The following SP3 variants were observed in gnomAD, a reference collection of about 807,000 sequenced individuals.
SP3 encodes transcription factor Sp3.
Under a neutral mutation model 70.3 loss-of-function variants are expected in SP3, and 10 were observed. That is an observed-to-expected ratio of 0.14 (90% confidence interval 0.09 to 0.24). SP3 has a LOEUF of 0.24. Among genes scored for constraint, SP3 ranks in the 10% least tolerant of loss-of-function variants. The pLI, the probability that SP3 is intolerant of heterozygous loss-of-function variation, is 1.00. For synonymous variants in SP3, 402 were observed against 333.5 expected, an observed-to-expected ratio of 1.21 and a Z score of -2.24; for missense variants, 825 against 914.6, an observed-to-expected ratio of 0.90 and a Z score of 1.26.
chr2:173,940,374 G>A (rs1225842913), intron 4 of SP3, among the ~76,000 whole-genome samples: 4 of 152,172 alleles, frequency 2.6e-5, no homozygotes, highest in Admixed American at 6.5e-5. Context: ...TCACAATAGG[G>A]TTCGGGCTCC....
At chr2:173,937,460 T>C (rs1574412333) in intron 4 of SP3, among the ~76,000 whole-genome samples, 1 of 152,132 alleles carries the variant, frequency 6.6e-6, no homozygotes, top group Admixed American at 6.5e-5. Context: ...CAAGTAAGTA[T>C]ACAAACCCTG....
intron 3 of SP3, among the ~76,000 whole-genome samples, chr2:173,957,568 T>G (rs1009804887): frequency 2.0e-5 from 3 of 152,154 alleles, no homozygotes; most frequent in Non-Finnish European, 4.4e-5. Context: ...AGGCTCATAT[T>G]CATAGAGGAA....
At chr2:173,964,371 G>T (rs761933836) in intron 2 of SP3, 34 bp downstream of exon 2, 3 of 676,674 alleles carry the variant, frequency 4.4e-6, no homozygotes, top group Admixed American at 4.2e-5. Flanking sequence ...GCGGCGCGAG[G>T]GGGGAGCCGG....
At chr2:173,936,059 G>A (rs901692280) in intron 4 of SP3, among the ~76,000 whole-genome samples, 3 of 151,698 alleles carry the variant, frequency 2.0e-5, no homozygotes, top group Admixed American at 6.6e-5. Context: ...ACGGAGTCCC[G>A]CTCTGTCACC....
In SP3 at chr2:173,933,638, TTATATATATATATA is replaced by T. The variant is rs60102426; in HGVS notation, c.1640-14867_1640-14854del. 8.7e-4 allele frequency among the ~76,000 whole-genome samples: 75 copies of T among 86,556 alleles called. 3 individuals are homozygous for T. The highest frequency in any genetic ancestry group is 7.9e-3 in the Middle Eastern group (1 of 126). 56.8% of individuals were successfully genotyped at this position (86,556 alleles called of 152,430 possible). ...ACAAATGACTAACATTTATAAAACTTTATATATATATATATATATATATATATATATATAAAAGT... is the reference window on the plus strand; with the variant it reads ...ACAAATGACTAACATTTATAAAACTTTATATATATATATATATATAAAAGT... On this transcript the variant is annotated intron_variant, in intron 4 of 6. Coordinates refer to ENST00000310015, the MANE Select transcript of SP3 (RefSeq NM_003111.5).
intron 4 of SP3, among the ~76,000 whole-genome samples, chr2:173,952,980 G>A (rs1690757471): frequency 6.6e-6 from 1 of 152,230 alleles, no homozygotes; most frequent in African/African-American, 2.4e-5. Flanking sequence ...GATGATGGTT[G>A]TACAACTCTA....
chr2:173,904,094 G>A lies in SP3; in HGVS notation c.*5847C>T, dbSNP rs1480092768. Among the ~76,000 whole-genome samples, 6 of 152,040 alleles carry A rather than the reference G, an allele frequency of 3.9e-5. No individual in the cohort carries two copies. Among genetic ancestry groups the A allele is most frequent in the Admixed American group, 2.6e-4 (4 of 15,266 alleles). On this transcript the variant is annotated 3_prime_UTR_variant, in exon 7 of 7. Transcript: ENST00000310015. ...GGCACTACCTAGATCCCTCGCATGC[G>A]GGGTTCACAACGGGGTTCGCACTCC... is the stretch of plus-strand genomic sequence containing the variant.
At chr2:173,927,999 T>C (rs1449691405) in intron 4 of SP3, among the ~76,000 whole-genome samples, 3 of 152,224 alleles carry the variant, frequency 2.0e-5, no homozygotes, top group South Asian at 2.1e-4. Context: ...TAGTTTTTTA[T>C]TTCTTCTACT....
intron 6 of SP3, among the ~76,000 whole-genome samples, chr2:173,911,721 C>T (rs898968315): frequency 2.0e-5 from 3 of 150,718 alleles, no homozygotes; most frequent in African/African-American, 7.3e-5. Context: ...ATCATAAGAT[C>T]TATTATCCCA....
Position 173,910,099 on chromosome 2 carries a change from C to A in SP3, c.2188G>T (p.Ala730Ser), listed in dbSNP as rs775979032. ...EAARDDTLIT[A>S]GGTTLILANI... Reference sequence around the variant, plus strand: ...GCAAGGATAAGCGTTGTTCCTCCTGCAGTAATCAAAGTATCATCTCGCGCA... The same window carrying A: ...GCAAGGATAAGCGTTGTTCCTCCTGAAGTAATCAAAGTATCATCTCGCGCA... The change falls in exon 7 of 7, where the codon GCA (alanine) becomes TCA (serine). Residue 730 changes from alanine to serine, a missense_variant. By Grantham distance (99) the Ala-to-Ser change is moderately conservative. This residue lies in a region of SP3 where 91 missense variants were observed against 97.4 expected (regional missense o/e 0.93). Coordinates refer to ENST00000310015, the MANE Select transcript of SP3 (RefSeq NM_003111.5). 4.3e-6 allele frequency: 7 copies of A among 1,612,090 alleles called. No individual in the cohort carries two copies. The African/African-American group carries it at 9.4e-5, about 22-fold the overall frequency.
rs575387158 is a variant in SP3 at position 173,950,580 on chromosome 2, C to G, written c.1639+4293G>C. On this transcript the variant is annotated intron_variant, in intron 4 of 6. Coordinates refer to ENST00000310015, the MANE Select transcript of SP3 (RefSeq NM_003111.5). ...TGTAGTTCTACACATTCAGGAGGCT[C>G]AGGCCAGGAGTTTGAGATCACAATG... Among the ~76,000 whole-genome samples, 10 of 151,436 alleles carry G rather than the reference C, an allele frequency of 6.6e-5. No individual in the cohort carries two copies. The South Asian group carries it at 2.1e-3, about 31-fold the overall frequency.
chr2:173,938,213 T>C (rs967207741), intron 4 of SP3, among the ~76,000 whole-genome samples: 2 of 152,226 alleles, frequency 1.3e-5, no homozygotes, highest in Non-Finnish European at 1.5e-5. Context: ...TCCCAGCACT[T>C]TGGGAGGCCA....
intron 3 of SP3, chr2:173,962,841 G>A (rs752728235): frequency 6.6e-6 from 1 of 152,132 alleles, no homozygotes; most frequent in Non-Finnish European, 1.5e-5. Context: ...TGACCCAAAT[G>A]TAAAATTCAC....
rs981943706 is a variant in SP3, at chr2:173,965,100, T to G, written c.7+65A>C. 8.9e-5 allele frequency: 137 copies of G among 1,543,232 alleles called. No homozygotes were observed. In the East Asian group the frequency reaches 3.2e-3, roughly 36 times the overall value. The stretch of plus-strand genomic sequence containing the variant: ...GAGACCGGCGGCAGCGGCCCCGGGC[T>G]GGCTGTGGTCGGCGGCAGCGGCGGC... On this transcript the variant is annotated intron_variant, in intron 1 of 6. Coordinates refer to ENST00000310015, the MANE Select transcript of SP3 (RefSeq NM_003111.5).
At chr2:173,962,114 G>A (rs979841585) in intron 3 of SP3, among the ~76,000 whole-genome samples, 1 of 152,070 alleles carries the variant, frequency 6.6e-6, no homozygotes, top group Non-Finnish European at 1.5e-5. Context: ...AGCTGAAGAA[G>A]CATGGAAACT....
intron 4 of SP3, among the ~76,000 whole-genome samples, chr2:173,924,506 A>C (rs912598799): frequency 2.0e-5 from 3 of 152,222 alleles, no homozygotes; most frequent in Non-Finnish European, 4.4e-5. Context: ...CTAAACACAT[A>C]AGATAAGGAT....
intron 4 of SP3, among the ~76,000 whole-genome samples, chr2:173,945,902 G>T (rs994571874): frequency 1.3e-5 from 2 of 152,140 alleles, no homozygotes; most frequent in Non-Finnish European, 2.9e-5. Context: ...GATGTGGACG[G>T]ATCATTTGAG....
intron 4 of SP3, among the ~76,000 whole-genome samples, chr2:173,926,856 A>G (rs1327099210): frequency 6.6e-6 from 1 of 152,152 alleles, no homozygotes; most frequent in Admixed American, 6.5e-5. Context: ...TGCTTTTTAG[A>G]TAGTATTGTA....
chr2:173,964,882 TCA>T (rs1174780648), intron 1 of SP3: 9 of 500,114 alleles, frequency 1.8e-5, no homozygotes, highest in Admixed American at 4.3e-5. Flanking sequence ...CGTCAGTCAC[TCA>T]CACACGCCCG....
Sources: allele counts gnomAD v4.1 joint callset (sites outside exome capture counted in the v4.1 genomes callset), GRCh38; gene constraint gnomAD v4.1.1; regional missense constraint gnomAD v4.1.1; transcripts MANE v1.5; gene names NCBI Gene and HGNC (gene_info 2026-07-23, HGNC 2026-07-21).